Variants in EGFR observed in about 807,000 individuals in gnomAD.
EGFR encodes the protein avian erythroblastic leukemia viral (v-erb-b) oncogene homolog.
EGFR carries 58 observed loss-of-function variants against 143.0 expected under a neutral mutation model. That is an observed-to-expected ratio of 0.41 (90% CI 0.33 to 0.50). The LOEUF (loss-of-function observed/expected upper bound fraction) is 0.50. Among genes scored for constraint, EGFR ranks in the 20% least tolerant of loss-of-function variants. EGFR has a pLI of 0.39. For synonymous variants in EGFR, 613 were observed against 594.4 expected (o/e 1.03, Z -0.45); for missense variants, 1,307 against 1,579.0 (o/e 0.83, Z 2.92).
rs1312466464 is a variant in EGFR, at chr7:55,207,728, C to T, written c.*2111C>T. ...AGTCACCCTAAACAACCTGCTCCCT[C>T]TAAGCCAGGGGATGAGCTTGGAGCA... On this transcript the variant is annotated 3_prime_UTR_variant, in exon 28 of 28. Transcript: ENST00000275493. The T allele has an allele frequency of 6.6e-6, 1 of 152,488 alleles. No homozygotes were observed. Among genetic ancestry groups the T allele is most frequent in the Non-Finnish European group, 1.5e-5 (1 of 68,164 alleles). The allele number at this position is 152,488 out of a possible 1,614,324, so 9.4% of individuals were successfully genotyped here. A position where few individuals can be genotyped will look rare whatever the true frequency, so the allele number is the denominator to read the frequency against.
intron 6 of EGFR, among the ~76,000 whole-genome samples, chr7:55,152,943 C>T (rs182618476): frequency 1.3e-5 from 2 of 152,216 alleles, no homozygotes; most frequent in African/African-American, 2.4e-5. Context: ...TGATGAGATG[C>T]CTGTGATGTC....
chr7:55,151,914 A>G (rs1351646491), intron 5 of EGFR, among the ~76,000 whole-genome samples: 2 of 152,226 alleles, frequency 1.3e-5, no homozygotes, highest in Non-Finnish European at 2.9e-5. Context: ...AGTGAACATC[A>G]GCAAGTACCC....
intron 1 of EGFR, among the ~76,000 whole-genome samples, chr7:55,096,790 C>T (rs1211655235): frequency 2.0e-5 from 3 of 152,236 alleles, no homozygotes; most frequent in Non-Finnish European, 2.9e-5. Flanking sequence ...CTTGCAGGGG[C>T]GCAGGCGCAG....
At chr7:55,099,603 C>T (rs968033096) in intron 1 of EGFR, among the ~76,000 whole-genome samples, 1 of 152,208 alleles carries the variant, frequency 6.6e-6, no homozygotes, top group Admixed American at 6.5e-5. Flanking sequence ...GAGGGGTTCA[C>T]CACCAGAGCC....
chr7:55,041,030 G>A (rs1401688723), intron 1 of EGFR, among the ~76,000 whole-genome samples: 1 of 152,208 alleles, frequency 6.6e-6, no homozygotes, highest in Non-Finnish European at 1.5e-5. Context: ...CAGCAGTAGA[G>A]GACTCTGTAA....
chr7:55,023,333 T>C (rs574993427), intron 1 of EGFR, among the ~76,000 whole-genome samples: 2 of 152,300 alleles, frequency 1.3e-5, no homozygotes, highest in Admixed American at 1.3e-4. Context: ...CACATGTTGC[T>C]TCCCTGTAAA....
At chr7:55,095,952 CACAG>C (rs1303246575) in intron 1 of EGFR, among the ~76,000 whole-genome samples, 7 of 151,330 alleles carry the variant, frequency 4.6e-5, no homozygotes, top group African/African-American at 1.2e-4. Context: ...CAGATACAGA[CACAG>C]ACAGACATAC....
At chr7:55,048,948 T>C (rs920051208) in intron 1 of EGFR, among the ~76,000 whole-genome samples, 6 of 152,048 alleles carry the variant, frequency 3.9e-5, no homozygotes, top group Non-Finnish European at 7.4e-5. Context: ...AGCATGAAAA[T>C]AGTCATATGG....
intron 15 of EGFR, chr7:55,168,500 A>G (rs200237433): frequency 4.1e-4 from 552 of 1,334,596 alleles, no homozygotes; most frequent in Non-Finnish European, 5.6e-4. Context: ...TCATTTTTCT[A>G]ATGTCTTTCT....
intron 23 of EGFR, among the ~76,000 whole-genome samples, chr7:55,199,845 G>C (rs1047263211): frequency 6.6e-6 from 1 of 152,204 alleles, no homozygotes; most frequent in Non-Finnish European, 1.5e-5. Context: ...GGTATGTGCT[G>C]TACTGGAGAC....
In EGFR at chr7:55,203,606, CACAT is replaced by C. The variant is rs566133569; in HGVS notation, c.3271+985_3271+988del. 3.2e-3 allele frequency among the ~76,000 whole-genome samples: 457 copies of C among 144,734 alleles called. 2 individuals carry two copies. The highest frequency in any genetic ancestry group is 0.011 in the African/African-American group (436 of 38,942). The allele number at this position is 144,734 out of a possible 152,430, so 95.0% of individuals were successfully genotyped here. On this transcript the variant is annotated intron_variant, in intron 27 of 27. Transcript: ENST00000275493. Reference sequence around the variant, plus strand: ...ACACACACACCACAAAAACCGCACACACATACAAACATATACACACTACACCACA... The same window carrying C: ...ACACACACACCACAAAAACCGCACACACAAACATATACACACTACACCACA...
chr7:55,170,137 A>C (rs1786271964), intron 15 of EGFR, among the ~76,000 whole-genome samples: 1 of 152,192 alleles, frequency 6.6e-6, no homozygotes, highest in Admixed American at 6.5e-5. Context: ...ACTGCAGTAC[A>C]TGACACCATG....
In EGFR at chr7:55,165,181, C is replaced by G. The variant is rs566851828; in HGVS notation, c.1723-99C>G. On this transcript the variant is annotated intron_variant, in intron 14 of 27. Coordinates refer to ENST00000275493, the MANE Select transcript of EGFR (RefSeq NM_005228.5). Reference sequence around the variant, plus strand: ...GAATTTTTCTATCATTTGGCTTTCCCCACTCACACACACTAAATATTTTAA... The same window carrying G: ...GAATTTTTCTATCATTTGGCTTTCCGCACTCACACACACTAAATATTTTAA... 12 of 1,556,328 alleles carry G rather than the reference C, an allele frequency of 7.7e-6. No individual in the cohort carries two copies. In the Admixed American group the frequency reaches 8.7e-5, roughly 11 times the overall value.
At chr7:55,145,848 C>G (rs1241597962) in intron 3 of EGFR, among the ~76,000 whole-genome samples, 4 of 152,192 alleles carry the variant, frequency 2.6e-5, no homozygotes, top group Admixed American at 2.6e-4. Flanking sequence ...CCAAGCCTGT[C>G]AGCTCCCAGA....
chr7:55,136,600 C>T (rs925396397), intron 1 of EGFR, among the ~76,000 whole-genome samples: 4 of 152,252 alleles, frequency 2.6e-5, no homozygotes, highest in Admixed American at 6.5e-5. Flanking sequence ...CTTACAGACA[C>T]TCCCCAGCTT....
rs1400069411 is a variant in EGFR, at chr7:55,198,611, G to C, written c.2702-106G>C. ...ATTGCCCAAGACTACAGAAATGTAG[G>C]TTTCTAAACATCAAGAAACAGTAAC... On this transcript the variant is annotated intron_variant, in intron 22 of 27. Coordinates refer to ENST00000275493, the MANE Select transcript of EGFR (RefSeq NM_005228.5). 6 of 1,558,050 alleles carry C rather than the reference G, an allele frequency of 3.9e-6. No homozygotes were observed. The South Asian group carries it at 5.6e-5, about 15-fold the overall frequency.
intron 1 of EGFR, among the ~76,000 whole-genome samples, chr7:55,057,564 G>T (rs1333620120): frequency 1.3e-5 from 2 of 152,218 alleles, no homozygotes; most frequent in Admixed American, 1.3e-4. Context: ...TGTGTGAGAG[G>T]TGTGGTTTCA....
At chr7:55,192,960 G>A in intron 22 of EGFR, 119 bp downstream of exon 22, 1 of 896,560 alleles carries the variant, frequency 1.1e-6, no homozygotes, top group South Asian at 1.4e-5. Context: ...AATGACTAAT[G>A]ATAATGTAAT....
chr7:55,076,204 T>A (rs1195764017), intron 1 of EGFR, among the ~76,000 whole-genome samples: 5 of 152,200 alleles, frequency 3.3e-5, no homozygotes, highest in Admixed American at 6.5e-5. Context: ...AGCCTACACC[T>A]TGCTGAAATT....
Sources: gnomAD v4.1 joint callset for allele counts (sites outside exome capture counted in the v4.1 genomes callset) on GRCh38, gnomAD v4.1.1 for gene constraint, MANE v1.5 for transcripts, NCBI Gene and HGNC (gene_info 2026-07-23, HGNC 2026-07-21) for gene names.